The following HSPA12B variants were observed in gnomAD, a reference collection of about 807,000 sequenced individuals.
HSPA12B encodes heat shock 70 kDa protein 12B.
HSPA12B carries 54 observed loss-of-function variants against 69.3 expected under a neutral mutation model. That is an observed-to-expected ratio of 0.78 (90% CI 0.63 to 0.98). HSPA12B has a LOEUF of 0.98. Ranked by LOEUF, HSPA12B falls within the 50% of genes least tolerant of loss-of-function variation. HSPA12B has a pLI of 0.00. For missense variants in HSPA12B, 929 were observed against 999.8 expected, an observed-to-expected ratio of 0.93 and a Z score of 0.96; for synonymous variants, 441 against 436.5, an observed-to-expected ratio of 1.01 and a Z score of -0.13.
intron 1 of HSPA12B, among the ~76,000 whole-genome samples, chr20:3,736,445 A>G (rs1600306368): frequency 6.6e-6 from 1 of 152,284 alleles, no homozygotes; most frequent in East Asian, 1.9e-4. Context: ...GTCTGTCCAC[A>G]ATGGGGCTGG....
Position 3,744,688 on chromosome 20 carries a change from T to C in HSPA12B, c.267-214T>C, listed in dbSNP as rs1337060284. Among the ~76,000 whole-genome samples, 1 of 152,240 alleles carries C rather than the reference T, an allele frequency of 6.6e-6. No individual in the cohort carries two copies. The highest frequency in any genetic ancestry group is 1.5e-5 in the Non-Finnish European group (1 of 68,036). On this transcript the variant is annotated intron_variant, in intron 4 of 12. Transcript: ENST00000254963. This position sits in a 1 kb window ranked among gnomAD's most constrained non-coding sequence, Gnocchi z 4.9. ...AAATGTGGTCATACCTCTTGGCTAC[T>C]TTAAATCCACGAAGACAGAATTCTG... is the stretch of plus-strand genomic sequence containing the variant.
intron 11 of HSPA12B, 147 bp downstream of exon 11, chr20:3,750,374 G>A: frequency 4.5e-6 from 4 of 898,592 alleles, no homozygotes; most frequent in Non-Finnish European, 6.5e-6. Context: ...GGGTGGGGCG[G>A]CGGGGAGCGG....
rs1400558086 is a variant in HSPA12B at position 3,752,085 on chromosome 20, C to T, written c.1980C>T (p.Gly660=). The T allele has an allele frequency of 8.5e-6, 13 of 1,524,280 alleles. No homozygotes were observed. Among genetic ancestry groups the T allele is most frequent in the Admixed American group, 2.1e-5 (1 of 48,182 alleles). The allele number at this position is 1,524,280 out of a possible 1,614,324, so 94.4% of individuals were successfully genotyped here. ...RREIRAAMQF[G]DTEIKVTAVD... ...AGATCCGCGCCGCCATGCAGTTTGG[C>T]GACACCGAAATTAAGGTCACCGCCG... Residue 660 remains glycine, a synonymous_variant, in exon 13 of 13, where the codon GGC becomes GGT. Coordinates refer to ENST00000254963, the MANE Select transcript of HSPA12B (RefSeq NM_052970.5).
At chr20:3,748,848 C>T (rs895674961) in intron 8 of HSPA12B, among the ~76,000 whole-genome samples, 4 of 152,084 alleles carry the variant, frequency 2.6e-5, no homozygotes, top group East Asian at 3.9e-4. Context: ...ACCAGGCACC[C>T]AGGCCAAGGA....
rs971044859 is a variant in HSPA12B at position 3,745,478 on chromosome 20, C to G, written c.454-15C>G. 1.3e-6 allele frequency: 2 copies of G among 1,597,028 alleles called. No individual in the cohort carries two copies. The highest frequency in any genetic ancestry group is 1.7e-5 in the Admixed American group (1 of 59,986). ...AGCTGAGGCCTCCTGCAGAGCCGCC[C>G]TGTGTCCCTGCCAGGATCTCACCTT... On this transcript the variant is annotated splice_polypyrimidine_tract_variant and intron_variant, in intron 5 of 12. Coordinates refer to ENST00000254963, the MANE Select transcript of HSPA12B (RefSeq NM_052970.5). This position sits in a 1 kb window ranked among gnomAD's most constrained non-coding sequence, Gnocchi z 5.6.
chr20:3,749,746 G>T lies in HSPA12B; in HGVS notation c.938-4G>T, dbSNP rs930889478. ...CGAGTGTGTGCCCGCGCTCGCCGCC[G>T]CAGGAGACCGCTACGTGGTGGCCGA... On this transcript the variant is annotated splice_region_variant and splice_polypyrimidine_tract_variant and intron_variant, in intron 9 of 12. Transcript: ENST00000254963. This position sits in a 1 kb window ranked among gnomAD's most constrained non-coding sequence, Gnocchi z 5.5. 1.3e-6 allele frequency: 2 copies of T among 1,581,168 alleles called. No individual in the cohort carries two copies. Among genetic ancestry groups the T allele is most frequent in the African/African-American group, 2.7e-5 (2 of 74,338 alleles).
Position 3,748,370 on chromosome 20 carries a change from A to C in HSPA12B, c.829A>C (p.Ile277Leu), listed in dbSNP as rs1272836204. ...TGGGCGCCTGGGTGAGCGCCGCTCC[A>C]TCGACTCCAGCTTCCGTCAGGGTGA... is the stretch of plus-strand genomic sequence containing the variant. ...GGGRLGERRS[I>L]DSSFRQAREQ... The change falls in exon 8 of 13, where the codon ATC (isoleucine) becomes CTC (leucine). Residue 277 changes from isoleucine (I) to leucine (L), a missense_variant. Ile to Leu is a conservative substitution (Grantham distance 5). Transcript: ENST00000254963. 1.2e-6 allele frequency: 2 copies of C among 1,601,126 alleles called. No individual in the cohort carries two copies. Among genetic ancestry groups the C allele is most frequent in the African/African-American group, 2.7e-5 (2 of 74,400 alleles).
rs1352496825 is a variant in HSPA12B, at chr20:3,750,236, T to A, written c.1301+9T>A. The stretch of plus-strand genomic sequence containing the variant: ...GCTCTGCGCAGGAGCAGGTGGGTCC[T>A]GAGCCCGCGGGCTCAGGCAGGGTTT... On this transcript the variant is annotated intron_variant, in intron 11 of 12. Coordinates refer to ENST00000254963, the MANE Select transcript of HSPA12B (RefSeq NM_052970.5). 1.3e-6 allele frequency: 2 copies of A among 1,579,334 alleles called. No homozygotes were observed. Among genetic ancestry groups the A allele is most frequent in the Non-Finnish European group, 1.7e-6 (2 of 1,157,516 alleles).
chr20:3,745,209 G>C lies in HSPA12B; in HGVS notation c.453+121G>C. 1 of 945,752 alleles carries C rather than the reference G, an allele frequency of 1.1e-6. No individual in the cohort carries two copies. Among genetic ancestry groups the C allele is most frequent in the Non-Finnish European group, 1.6e-6 (1 of 627,722 alleles). The allele number at this position is 945,752 out of a possible 1,614,324, so 58.6% of individuals were successfully genotyped here. The stretch of plus-strand genomic sequence containing the variant: ...CGGCCCGATGGAGTCGTGGCTGAGA[G>C]GGGGCGGGGCTAAAGGGAGACGTCG... On this transcript the variant is annotated intron_variant, in intron 5 of 12. Coordinates refer to ENST00000254963, the MANE Select transcript of HSPA12B (RefSeq NM_052970.5). The surrounding 1 kb of genome is among the most constrained non-coding windows in gnomAD (Gnocchi z 5.6).
At position 3,751,653 on chromosome 20, in the gene HSPA12B, G is replaced by A. The variant is rs78149518; in HGVS notation, c.1548G>A (p.Val516=). Residue 516 remains valine (V), a synonymous_variant, in exon 13 of 13, where the codon GTG becomes GTA. Coordinates refer to ENST00000254963, the MANE Select transcript of HSPA12B (RefSeq NM_052970.5). The stretch of plus-strand genomic sequence containing the variant: ...TGCGTGTCGTGGTCCCGCACGACGT[G>A]GGCCTCACCATCCTCAAAGGCGCGG... ...RGLRVVVPHD[V]GLTILKGAVL... 1 of 1,522,670 alleles carries A rather than the reference G, an allele frequency of 6.6e-7. No homozygotes were observed. The highest frequency in any genetic ancestry group is 1.2e-5 in the South Asian group (1 of 82,396). The allele number at this position is 1,522,670 out of a possible 1,614,324, so 94.3% of individuals were successfully genotyped here. A position where few individuals can be genotyped will look rare whatever the true frequency, so the allele number is the denominator to read the frequency against.
intron 1 of HSPA12B, among the ~76,000 whole-genome samples, chr20:3,733,618 C>G (rs1364006729): frequency 1.3e-5 from 2 of 152,200 alleles, no homozygotes; most frequent in African/African-American, 4.8e-5. Context: ...GGGGCAGCCA[C>G]CTCACTCAGC....
rs763888955 is a variant in HSPA12B at position 3,751,530 on chromosome 20, G to C, written c.1425G>C (p.Pro475=). Residue 475 remains proline, a synonymous_variant, in exon 13 of 13, where the codon CCG becomes CCC. Transcript: ENST00000254963. ...CCGCAGAGGCCCTGCTGGCACGGCC[G>C]GAGGTGCAGGGTGTGAAGCTGCTGT... The part of the protein sequence containing the change: ...IQHIEALLAR[P]EVQGVKLLFL... The C allele has an allele frequency of 1.4e-6, 2 of 1,450,404 alleles. No individual in the cohort carries two copies. The highest frequency in any genetic ancestry group is 1.8e-6 in the Non-Finnish European group (2 of 1,102,352). 89.8% of individuals were successfully genotyped at this position (1,450,404 alleles called of 1,614,324 possible). A position where few individuals can be genotyped will look rare whatever the true frequency, so the allele number is the denominator to read the frequency against.
At position 3,752,287 on chromosome 20, in the gene HSPA12B, C is replaced by T. The variant is rs1465155823; in HGVS notation, c.*121C>T. On this transcript the variant is annotated 3_prime_UTR_variant, in exon 13 of 13. Transcript: ENST00000254963. ...TCTGCAGTCTGCGCCTTTCCACGCC[C>T]TCCAGCCCCGGGGGAGATAAGGTCA... is the stretch of plus-strand genomic sequence containing the variant. The T allele has an allele frequency of 1.2e-5, 12 of 982,648 alleles. No individual in the cohort carries two copies. Among genetic ancestry groups the T allele is most frequent in the Non-Finnish European group, 1.7e-5 (12 of 715,212 alleles). The allele number at this position is 982,648 out of a possible 1,614,324, so 60.9% of individuals were successfully genotyped here.
intron 12 of HSPA12B, chr20:3,751,257 A>G (rs1377621609): frequency 6.1e-6 from 6 of 985,338 alleles, no homozygotes; most frequent in Non-Finnish European, 7.2e-6. Flanking sequence ...TGTAAAATGC[A>G]TATCCTTATC....
intron 4 of HSPA12B, among the ~76,000 whole-genome samples, chr20:3,743,352 TAAA>T (rs10716070): frequency 0.22 from 31,978 of 147,224 alleles, 3,690 homozygotes; most frequent in African/African-American, 0.29. Context: ...CTGGCTAATT[TAAA>T]AAAAAAAAAA....
Position 3,749,675 on chromosome 20 carries a change from G to A in HSPA12B, c.938-75G>A. 8.9e-7 allele frequency: 1 copy of A among 1,120,984 alleles called. No individual in the cohort carries two copies. The highest frequency in any genetic ancestry group is 1.4e-5 in the South Asian group (1 of 70,642). The allele number at this position is 1,120,984 out of a possible 1,614,324, so 69.4% of individuals were successfully genotyped here. A position where few individuals can be genotyped will look rare whatever the true frequency, so the allele number is the denominator to read the frequency against. On this transcript the variant is annotated intron_variant, in intron 9 of 12. Coordinates refer to ENST00000254963, the MANE Select transcript of HSPA12B (RefSeq NM_052970.5). The surrounding 1 kb of genome is among the most constrained non-coding windows in gnomAD (Gnocchi z 5.5). ...GGGACCCGGGGCAGGGCTGGAGGCT[G>A]GGCGAGGCTGGAGGGGGCGCAGGGC...
chr20:3,751,044 G>A, intron 12 of HSPA12B, 137 bp downstream of exon 12: 1 of 903,458 alleles, frequency 1.1e-6, no homozygotes, highest in East Asian at 2.6e-5. Context: ...GAACACCTGC[G>A]GGATGAAGTG....
At chr20:3,734,737 ATTT>A (rs35209985) in intron 1 of HSPA12B, among the ~76,000 whole-genome samples, 2 of 120,286 alleles carry the variant, frequency 1.7e-5, no homozygotes. Context: ...CTTTAACACA[ATTT>A]TTTTTTTTTT....
Position 3,749,129 on chromosome 20 carries a change from G to A in HSPA12B, c.851-103G>A. On this transcript the variant is annotated intron_variant, in intron 8 of 12. Coordinates refer to ENST00000254963, the MANE Select transcript of HSPA12B (RefSeq NM_052970.5). The surrounding 1 kb of genome is among the most constrained non-coding windows in gnomAD (Gnocchi z 5.5). Reference sequence around the variant, plus strand: ...GGTTGGAGTTTCAGGAGCACTGGCTGCTCCCAGTGCCCATGGAGGTCCTGG... The same window carrying A: ...GGTTGGAGTTTCAGGAGCACTGGCTACTCCCAGTGCCCATGGAGGTCCTGG... 1.0e-6 allele frequency: 1 copy of A among 970,962 alleles called. No individual in the cohort carries two copies. The highest frequency in any genetic ancestry group is 1.6e-6 in the Non-Finnish European group (1 of 643,410). The allele number at this position is 970,962 out of a possible 1,614,324, so 60.1% of individuals were successfully genotyped here. A position where few individuals can be genotyped will look rare whatever the true frequency, so the allele number is the denominator to read the frequency against.
Sources: gnomAD v4.1 joint callset for allele counts (sites outside exome capture counted in the v4.1 genomes callset) on GRCh38, gnomAD v4.1.1 for gene constraint, Gnocchi (gnomAD v3.1) non-coding constraint, MANE v1.5 for transcripts, NCBI Gene and HGNC (gene_info 2026-07-23, HGNC 2026-07-21) for gene names.